Variants in GALNT13 observed in about 807,000 individuals in gnomAD.
GALNT13 encodes the protein polypeptide N-acetylgalactosaminyltransferase 13.
In GALNT13, 28 loss-of-function variants were observed where a neutral mutation model predicts 64.2. That is an observed-to-expected ratio of 0.44 (90% CI 0.32 to 0.60). GALNT13 has a LOEUF of 0.60. Among genes scored for constraint, GALNT13 ranks in the 20% least tolerant of loss-of-function variants. The pLI is 0.05. For synonymous variants in GALNT13, 214 were observed against 224.6 expected, an observed-to-expected ratio of 0.95 and a Z score of 0.42; for missense variants, 577 against 669.8, an observed-to-expected ratio of 0.86 and a Z score of 1.53.
chr2:153,890,387 C>T (rs762510336), intron 1 of GALNT13, among the ~76,000 whole-genome samples: 1 of 151,984 alleles, frequency 6.6e-6, no homozygotes, highest in Non-Finnish European at 1.5e-5. Flanking sequence ...TTAGTATCGA[C>T]AGTTGTGATC....
At chr2:154,395,280 A>G (rs562311416) in intron 9 of GALNT13, among the ~76,000 whole-genome samples, 1 of 152,184 alleles carries the variant, frequency 6.6e-6, no homozygotes, top group Non-Finnish European at 1.5e-5. Context: ...TTCCTCAACT[A>G]GAAAACATTC....
chr2:153,723,952 T>C, the GALNT13 span, among the ~76,000 whole-genome samples: 1 of 150,564 alleles, frequency 6.6e-6, no homozygotes, highest in African/African-American at 2.5e-5. Flanking sequence ...TGAAAAAAAC[T>C]ACTTTAAAGT....
intron 9 of GALNT13, among the ~76,000 whole-genome samples, chr2:154,353,984 A>G (rs1019826597): frequency 2.0e-5 from 3 of 152,196 alleles, no homozygotes; most frequent in African/African-American, 7.2e-5. Context: ...AGGAACCATC[A>G]TACTGACTTC....
In GALNT13 at chr2:154,453,379, C is replaced by T. The variant is rs773239742; in HGVS notation, c.*2828C>T. The T allele has an allele frequency of 6.6e-6, 1 of 152,168 alleles. No individual in the cohort carries two copies. Among genetic ancestry groups the T allele is most frequent in the African/African-American group, 2.4e-5 (1 of 41,410 alleles). The allele number at this position is 152,168 out of a possible 1,614,324, so 9.4% of individuals were successfully genotyped here. A position where few individuals can be genotyped will look rare whatever the true frequency, so the allele number is the denominator to read the frequency against. On this transcript the variant is annotated 3_prime_UTR_variant, in exon 13 of 13. Coordinates refer to ENST00000392825, the MANE Select transcript of GALNT13 (RefSeq NM_052917.4). ...GCACACACACACACATGCAATTCTA[C>T]CTTTTTCTAACACCATCTCTTATCT...
At chr2:153,485,110 C>T in the GALNT13 span, among the ~76,000 whole-genome samples, 1 of 152,164 alleles carries the variant, frequency 6.6e-6, no homozygotes, top group Non-Finnish European at 1.5e-5. Context: ...CTAAAACTTT[C>T]TTATAGGACT....
chr2:153,413,575 A>G, the GALNT13 span, among the ~76,000 whole-genome samples: 1 of 152,142 alleles, frequency 6.6e-6, no homozygotes, highest in Admixed American at 6.5e-5. Context: ...TTTAGGAATG[A>G]CTGATGTAGG....
At chr2:153,926,604 T>C (rs1456360223) in intron 2 of GALNT13, among the ~76,000 whole-genome samples, 1 of 152,142 alleles carries the variant, frequency 6.6e-6, no homozygotes. Flanking sequence ...GGAAACAGAT[T>C]ACTTAAATCA....
At chr2:153,923,980 G>T (rs1311122844) in intron 2 of GALNT13, among the ~76,000 whole-genome samples, 1 of 152,006 alleles carries the variant, frequency 6.6e-6, no homozygotes, top group Non-Finnish European at 1.5e-5. Flanking sequence ...TTGCTATTGT[G>T]AATAGTGCCA....
chr2:153,978,236 C>A (rs181264752), intron 3 of GALNT13, among the ~76,000 whole-genome samples: 236 of 152,278 alleles, frequency 1.5e-3, no homozygotes, highest in Middle Eastern at 3.4e-3. Context: ...TTTCTACTTC[C>A]TGAAAGACTA....
chr2:153,197,099 C>T, the GALNT13 span, among the ~76,000 whole-genome samples: 14 of 151,860 alleles, frequency 9.2e-5, no homozygotes, highest in South Asian at 2.9e-3. Flanking sequence ...GCAGGCAGGA[C>T]AACTCCGTGC....
the GALNT13 span, among the ~76,000 whole-genome samples, chr2:153,821,685 AGG>A: frequency 6.6e-6 from 1 of 152,206 alleles, no homozygotes; most frequent in African/African-American, 2.4e-5. Flanking sequence ...TAGTAAAACA[AGG>A]ACAAATTAGC....
chr2:154,052,982 G>A (rs1207610078), intron 3 of GALNT13, among the ~76,000 whole-genome samples: 3 of 151,834 alleles, frequency 2.0e-5, no homozygotes, highest in Non-Finnish European at 4.4e-5. Context: ...CGTGATCCAC[G>A]AGGCCGCCTC....
chr2:154,152,028 A>G (rs995352115), intron 4 of GALNT13, among the ~76,000 whole-genome samples: 4 of 152,082 alleles, frequency 2.6e-5, no homozygotes, highest in Admixed American at 6.6e-5. Flanking sequence ...CCTAGCCTCA[A>G]TGGTCTTTAC....
chr2:153,071,004 C>T, the GALNT13 span, among the ~76,000 whole-genome samples: 620 of 152,076 alleles, frequency 4.1e-3, 1 homozygote, highest in Admixed American at 0.01. Context: ...TTTATTTAGC[C>T]TATAGGCATT....
At chr2:153,258,359 C>A in the GALNT13 span, among the ~76,000 whole-genome samples, 1 of 133,346 alleles carries the variant, frequency 7.5e-6, no homozygotes, top group Non-Finnish European at 1.6e-5. Context: ...TAGTAAAGCT[C>A]TGGTCTCCCA....
At chr2:153,381,103 G>C in the GALNT13 span, among the ~76,000 whole-genome samples, 1 of 151,726 alleles carries the variant, frequency 6.6e-6, no homozygotes, top group Non-Finnish European at 1.5e-5. Context: ...GCACCACCAG[G>C]CCCAGCTAAT....
the GALNT13 span, chr2:153,478,455 G>C: frequency 1.9e-6 from 3 of 1,613,658 alleles, no homozygotes; most frequent in East Asian, 2.2e-5. Flanking sequence ...AGCCGTCGTC[G>C]GTCACCACGG....
At chr2:153,302,084 G>A in the GALNT13 span, among the ~76,000 whole-genome samples, 7 of 152,166 alleles carry the variant, frequency 4.6e-5, no homozygotes, top group East Asian at 5.8e-4. Context: ...AACCTGGATC[G>A]TATGGTAGTT....
At chr2:154,133,553 T>TCTG in intron 3 of GALNT13, among the ~76,000 whole-genome samples, 1 of 26,230 alleles carries the variant, frequency 3.8e-5, no homozygotes, top group Non-Finnish European at 1.3e-4. Flanking sequence ...TATATATATA[T>TCTG]ATATATATAT....
Sources: allele counts gnomAD v4.1 joint callset (sites outside exome capture counted in the v4.1 genomes callset), GRCh38; gene constraint gnomAD v4.1.1; transcripts MANE v1.5; gene names NCBI Gene and HGNC (gene_info 2026-07-23, HGNC 2026-07-21).